EYS: variants seen among roughly 807,000 people sequenced by gnomAD.
The protein encoded by EYS is protein eyes shut homolog.
A neutral mutation model predicts 282.1 loss-of-function variants in EYS; 250 were observed. The ratio of observed to expected loss-of-function variants is 0.89; its 90% CI spans 0.80 to 0.98. EYS has a LOEUF of 0.98. Ranked by LOEUF, EYS falls within the 50% of genes least tolerant of loss-of-function variation. EYS has a pLI of 0.00. For missense variants in EYS, 4,016 were observed against 3,709.0 expected (o/e 1.08, Z -2.15); for synonymous variants, 1,355 against 1,282.9 (o/e 1.06, Z -1.20).
chr6:63,981,488 T>C (rs943282760), intron 35 of EYS, among the ~76,000 whole-genome samples: 2 of 151,862 alleles, frequency 1.3e-5, no homozygotes, highest in Non-Finnish European at 2.9e-5. Flanking sequence ...ATGTCCTGTA[T>C]GCAACGGTGT....
intron 15 of EYS, among the ~76,000 whole-genome samples, chr6:64,945,524 G>A (rs977930079): frequency 6.6e-6 from 1 of 152,048 alleles, no homozygotes; most frequent in African/African-American, 2.4e-5. Flanking sequence ...GCAAAAACAT[G>A]TTTTGAAGAA....
intron 1 of EYS, among the ~76,000 whole-genome samples, chr6:65,682,392 C>T (rs1016482060): frequency 6.6e-6 from 1 of 151,880 alleles, no homozygotes; most frequent in Non-Finnish European, 1.5e-5. Flanking sequence ...GAAACCTTAT[C>T]TGTATCTTCC....
intron 30 of EYS, among the ~76,000 whole-genome samples, chr6:64,247,992 A>G (rs191612084): frequency 1.4e-4 from 22 of 152,202 alleles, no homozygotes; most frequent in Non-Finnish European, 2.6e-4. Flanking sequence ...AGAACTATCA[A>G]TAAGAACATC....
At chr6:64,643,936 G>A (rs1052846987) in intron 22 of EYS, among the ~76,000 whole-genome samples, 3 of 152,156 alleles carry the variant, frequency 2.0e-5, no homozygotes, top group Non-Finnish European at 2.9e-5. Flanking sequence ...CGTGAGAGTG[G>A]ACTAACACAT....
intron 30 of EYS, among the ~76,000 whole-genome samples, chr6:64,233,173 T>C (rs1223207625): frequency 2.0e-5 from 3 of 152,164 alleles, no homozygotes; most frequent in African/African-American, 7.2e-5. Flanking sequence ...TTTGCACATT[T>C]CAGTTAAGTG....
chr6:64,022,495 G>A (rs1046438561), intron 33 of EYS, among the ~76,000 whole-genome samples: 18 of 151,902 alleles, frequency 1.2e-4, no homozygotes, highest in African/African-American at 4.1e-4. Flanking sequence ...TATCATTATT[G>A]GCTATTTCTA....
intron 26 of EYS, among the ~76,000 whole-genome samples, chr6:64,584,935 T>A (rs573009518): frequency 1.3e-5 from 2 of 152,238 alleles, no homozygotes; most frequent in African/African-American, 2.4e-5. Flanking sequence ...ATTTTGAGAT[T>A]AAATAAATAC....
intron 12 of EYS, among the ~76,000 whole-genome samples, chr6:65,106,601 T>C (rs1374566410): frequency 6.6e-6 from 1 of 152,072 alleles, no homozygotes; most frequent in Non-Finnish European, 1.5e-5. Flanking sequence ...GTTTTCCTGA[T>C]GCATCGATCC....
intron 12 of EYS, among the ~76,000 whole-genome samples, chr6:65,229,246 A>T (rs917737435): frequency 6.6e-6 from 1 of 150,884 alleles, no homozygotes; most frequent in African/African-American, 2.4e-5. Flanking sequence ...GACCATTTGA[A>T]CAACTAGTGT....
At chr6:64,334,850 G>C (rs893428226) in intron 29 of EYS, among the ~76,000 whole-genome samples, 3 of 152,090 alleles carry the variant, frequency 2.0e-5, no homozygotes, top group Admixed American at 6.6e-5. Context: ...ATGTGGTCTG[G>C]CTGGAACCCA....
At chr6:64,798,312 G>T (rs965090124) in intron 22 of EYS, among the ~76,000 whole-genome samples, 9 of 151,628 alleles carry the variant, frequency 5.9e-5, no homozygotes, top group African/African-American at 2.2e-4. Context: ...TAATGGCTTG[G>T]TGAATAATTT....
rs567814465 is a variant in EYS at position 64,676,960 on chromosome 6, A to G, written c.3444-50715T>C. 1.8e-4 allele frequency among the ~76,000 whole-genome samples: 27 copies of G among 152,278 alleles called. No individual in the cohort carries two copies. The East Asian group carries it at 3.7e-3, about 21-fold the overall frequency. ...ATGAATTTTGAGTGGGCACATAAAC[A>G]TTCCATCCACTTTATATGTTAAAGT... On this transcript the variant is annotated intron_variant, in intron 22 of 42. Coordinates refer to ENST00000503581, the MANE Select transcript of EYS (RefSeq NM_001142800.2).
intron 5 of EYS, among the ~76,000 whole-genome samples, chr6:65,449,518 G>GTA (rs1397080252): frequency 3.3e-5 from 5 of 152,020 alleles, no homozygotes; most frequent in Non-Finnish European, 7.4e-5. Context: ...ATTAAGGTTA[G>GTA]TATACATTGT....
At chr6:64,284,966 A>G (rs1384529085) in intron 30 of EYS, among the ~76,000 whole-genome samples, 7 of 152,168 alleles carry the variant, frequency 4.6e-5, no homozygotes, top group Non-Finnish European at 1.0e-4. Context: ...AGGCTGCTGC[A>G]AAGATCTCTG....
chr6:65,701,613 A>G (rs1045014243), intron 1 of EYS, among the ~76,000 whole-genome samples: 1 of 152,062 alleles, frequency 6.6e-6, no homozygotes, highest in African/African-American at 2.4e-5. Flanking sequence ...TTCTCACCCT[A>G]TTTGAATTAT....
At chr6:65,396,426 T>A (rs9453294) in intron 7 of EYS, among the ~76,000 whole-genome samples, 1 of 151,818 alleles carries the variant, frequency 6.6e-6, no homozygotes, top group African/African-American at 2.4e-5. Flanking sequence ...ACCCTACCAA[T>A]CTTCAGTGTC....
At chr6:64,235,058 T>C (rs1562265146) in intron 30 of EYS, among the ~76,000 whole-genome samples, 1 of 147,902 alleles carries the variant, frequency 6.8e-6, no homozygotes, top group African/African-American at 2.5e-5. Context: ...TTATTTTTTG[T>C]ATTTTTATTT....
intron 35 of EYS, among the ~76,000 whole-genome samples, chr6:63,975,774 T>C (rs186260294): frequency 7.9e-5 from 12 of 152,132 alleles, no homozygotes; most frequent in African/African-American, 2.4e-4. Flanking sequence ...CTAATGGGCT[T>C]GCTTAAGGAT....
chr6:64,500,638 A>G (rs1434350055), intron 26 of EYS, among the ~76,000 whole-genome samples: 1 of 152,138 alleles, frequency 6.6e-6, no homozygotes, highest in Non-Finnish European at 1.5e-5. Context: ...ATACTGATTA[A>G]CCCTAGTTTA....
Sources: allele counts gnomAD v4.1 joint callset (sites outside exome capture counted in the v4.1 genomes callset), GRCh38; gene constraint gnomAD v4.1.1; transcripts MANE v1.5; gene names NCBI Gene and HGNC (gene_info 2026-07-23, HGNC 2026-07-21).